Variants in KLHDC2 observed in about 807,000 individuals in gnomAD.
KLHDC2 encodes kelch domain-containing protein 2.
Under a neutral mutation model 62.3 loss-of-function variants are expected in KLHDC2, and 38 were observed. The observed-to-expected ratio is 0.61, with a 90% CI of 0.47 to 0.80. The LOEUF is 0.80. KLHDC2 is among the 30% of genes least tolerant of loss of function. KLHDC2 has a pLI of 0.00. For missense variants in KLHDC2, 430 were observed against 495.3 expected, an observed-to-expected ratio of 0.87 and a Z score of 1.25; for synonymous variants, 159 against 161.0, an observed-to-expected ratio of 0.99 and a Z score of 0.09.
At chr14:49,771,701 A>T (rs894259677) in intron 2 of KLHDC2, 28 bp downstream of exon 2, 14 of 1,183,830 alleles carry the variant, frequency 1.2e-5, no homozygotes, top group African/African-American at 1.5e-5. Context: ...AAGGGGGACT[A>T]AAAAATTCAG....
At chr14:49,770,551 C>T (rs1219594566) in intron 1 of KLHDC2, among the ~76,000 whole-genome samples, 1 of 152,152 alleles carries the variant, frequency 6.6e-6, no homozygotes, top group African/African-American at 2.4e-5. Context: ...CAGAAAGTGG[C>T]TAGGGAGGGT....
chr14:49,771,023 T>C (rs1889652508), intron 1 of KLHDC2, among the ~76,000 whole-genome samples: 1 of 152,112 alleles, frequency 6.6e-6, no homozygotes, highest in Non-Finnish European at 1.5e-5. Context: ...TGCATGGTTC[T>C]GTTCAGGATA....
Position 49,771,577 on chromosome 14 carries a change from A to G in KLHDC2, c.154-17A>G, listed in dbSNP as rs114533205. On this transcript the variant is annotated splice_polypyrimidine_tract_variant and intron_variant, in intron 1 of 12. Coordinates refer to ENST00000298307, the MANE Select transcript of KLHDC2 (RefSeq NM_014315.3). ...TAAAATACCAGTTTTTATATTTACA[A>G]TTTTTTTTATTCTTAGAGTAATCAA... The G allele has an allele frequency of 3.6e-3, 4,119 of 1,147,574 alleles. 101 individuals carry two copies. In the African/African-American group the frequency reaches 0.056, roughly 15 times the overall value. The allele number at this position is 1,147,574 out of a possible 1,614,324, so 71.1% of individuals were successfully genotyped here.
At chr14:49,773,970 T>C (rs958337250) in intron 2 of KLHDC2, among the ~76,000 whole-genome samples, 1 of 152,198 alleles carries the variant, frequency 6.6e-6, no homozygotes, top group Admixed American at 6.5e-5. Flanking sequence ...CAGAAGACCT[T>C]GAGTATACTA....
intron 1 of KLHDC2, 130 bp from the exon 2 acceptor site, chr14:49,771,464 G>A (rs921373059): frequency 7.4e-6 from 4 of 544,092 alleles, no homozygotes; most frequent in Admixed American, 3.3e-5. Flanking sequence ...ATGGGTGGGG[G>A]AGGATTGTGC....
intron 9 of KLHDC2, 117 bp downstream of exon 9, chr14:49,780,439 A>G: frequency 2.7e-6 from 2 of 744,428 alleles, no homozygotes; most frequent in Non-Finnish European, 4.6e-6. Flanking sequence ...GAAGGTTTGA[A>G]ATTAATTTTG....
chr14:49,778,914 C>T (rs930009888), intron 6 of KLHDC2, among the ~76,000 whole-genome samples: 21 of 152,018 alleles, frequency 1.4e-4, no homozygotes, highest in East Asian at 7.7e-4. Flanking sequence ...TTAGTAGAGA[C>T]GGGTTTCATC....
In KLHDC2 at chr14:49,784,832, A is replaced by G; in HGVS notation, c.*1879A>G. The G allele has an allele frequency of 7.1e-7, 1 of 1,403,422 alleles. No homozygotes were observed. The highest frequency in any genetic ancestry group is 1.0e-6 in the Non-Finnish European group (1 of 999,682). 86.9% of individuals were successfully genotyped at this position (1,403,422 alleles called of 1,614,324 possible). A position where few individuals can be genotyped will look rare whatever the true frequency, so the allele number is the denominator to read the frequency against. The stretch of plus-strand genomic sequence containing the variant: ...CTGAGATGGTTTTACTGCTTCTAAT[A>G]AGACAGCATTTTCTACTAAAATAAC... On this transcript the variant is annotated 3_prime_UTR_variant, in exon 13 of 13. Coordinates refer to ENST00000298307, the MANE Select transcript of KLHDC2 (RefSeq NM_014315.3).
At chr14:49,780,631 C>A in intron 9 of KLHDC2, 72 bp from the exon 10 acceptor site, 2 of 1,033,606 alleles carry the variant, frequency 1.9e-6, no homozygotes, top group Non-Finnish European at 3.1e-6. Context: ...ACCTTTCTTG[C>A]CAAAGCTGTG....
intron 1 of KLHDC2, 26 bp from the exon 2 acceptor site, chr14:49,771,566 TTA>T: frequency 2.0e-6 from 2 of 1,006,816 alleles, no homozygotes; most frequent in Non-Finnish European, 3.1e-6. Flanking sequence ...ATACCAGTTT[TTA>T]TATTTACAAT....
Position 49,768,178 on chromosome 14 carries a change from C to T in KLHDC2, c.-291C>T, listed in dbSNP as rs1169701974. 4 of 248,274 alleles carry T rather than the reference C, an allele frequency of 1.6e-5. No homozygotes were observed. Among genetic ancestry groups the T allele is most frequent in the East Asian group, 7.8e-5 (1 of 12,852 alleles). 15.4% of individuals were successfully genotyped at this position (248,274 alleles called of 1,614,324 possible). A position where few individuals can be genotyped will look rare whatever the true frequency, so the allele number is the denominator to read the frequency against. ...AGACGGGCTGCAATAGGGAGCCGGCCCGACGCGGACCGCTTCCCTGCAGTG... is the reference window on the plus strand; with the variant it reads ...AGACGGGCTGCAATAGGGAGCCGGCTCGACGCGGACCGCTTCCCTGCAGTG... On this transcript the variant is annotated 5_prime_UTR_variant, in exon 1 of 13. Transcript: ENST00000298307.
chr14:49,786,340 C>T lies in KLHDC2; in HGVS notation c.*3387C>T. ...ATTTGCTGTGCTGCCTGTGAGATTG[C>T]CCCCATTTATTTTACAATATGAATA... On this transcript the variant is annotated 3_prime_UTR_variant, in exon 13 of 13. Coordinates refer to ENST00000298307, the MANE Select transcript of KLHDC2 (RefSeq NM_014315.3). 5.6e-6 allele frequency: 1 copy of T among 179,504 alleles called. No individual in the cohort carries two copies. 11.1% of individuals were successfully genotyped at this position (179,504 alleles called of 1,614,324 possible).
chr14:49,783,086 C>T lies in KLHDC2; in HGVS notation c.*133C>T, dbSNP rs1377474676. ...TTGGTTTTAATGTGCATGTGAATGGCCTAGAGAACCTATTTTTGTGTCTAA... is the reference window on the plus strand; with the variant it reads ...TTGGTTTTAATGTGCATGTGAATGGTCTAGAGAACCTATTTTTGTGTCTAA... On this transcript the variant is annotated 3_prime_UTR_variant, in exon 13 of 13. Coordinates refer to ENST00000298307, the MANE Select transcript of KLHDC2 (RefSeq NM_014315.3). 14 of 753,746 alleles carry T rather than the reference C, an allele frequency of 1.9e-5. No individual in the cohort carries two copies. The highest frequency in any genetic ancestry group is 2.8e-5 in the Non-Finnish European group (14 of 496,966). 46.7% of individuals were successfully genotyped at this position (753,746 alleles called of 1,614,324 possible). A position where few individuals can be genotyped will look rare whatever the true frequency, so the allele number is the denominator to read the frequency against.
chr14:49,779,083 T>C lies in KLHDC2; in HGVS notation c.634-512T>C, dbSNP rs571752132. On this transcript the variant is annotated intron_variant, in intron 6 of 12. Transcript: ENST00000298307. ...ATTTTGGAATATTTGCATTATATAC[T>C]TAACAGTCAACTATCTCTAATCCAA... Among the ~76,000 whole-genome samples, 4 of 152,332 alleles carry C rather than the reference T, an allele frequency of 2.6e-5. No homozygotes were observed. The East Asian group carries it at 7.7e-4, about 29-fold the overall frequency.
At chr14:49,775,414 G>A (rs929871112) in intron 3 of KLHDC2, among the ~76,000 whole-genome samples, 1 of 152,160 alleles carries the variant, frequency 6.6e-6, no homozygotes, top group Admixed American at 6.5e-5. Context: ...GTAAACCACT[G>A]CAGTAGCACC....
intron 1 of KLHDC2, among the ~76,000 whole-genome samples, chr14:49,769,503 G>A (rs919339327): frequency 6.6e-6 from 1 of 152,180 alleles, no homozygotes; most frequent in African/African-American, 2.4e-5. Flanking sequence ...CAGCTGACTT[G>A]ATCATAGTTG....
At position 49,784,844 on chromosome 14, in the gene KLHDC2, T is replaced by C; in HGVS notation, c.*1891T>C. 1 of 1,425,104 alleles carries C rather than the reference T, an allele frequency of 7.0e-7. No homozygotes were observed. The highest frequency in any genetic ancestry group is 9.8e-7 in the Non-Finnish European group (1 of 1,019,444). The allele number at this position is 1,425,104 out of a possible 1,614,324, so 88.3% of individuals were successfully genotyped here. A position where few individuals can be genotyped will look rare whatever the true frequency, so the allele number is the denominator to read the frequency against. ...TACTGCTTCTAATAAGACAGCATTT[T>C]CTACTAAAATAACAAAAAACTGCTA... On this transcript the variant is annotated 3_prime_UTR_variant, in exon 13 of 13. Coordinates refer to ENST00000298307, the MANE Select transcript of KLHDC2 (RefSeq NM_014315.3).
At position 49,768,633 on chromosome 14, in the gene KLHDC2, G is replaced by T. The variant is rs774380419; in HGVS notation, c.153+12G>T. 6.4e-7 allele frequency: 1 copy of T among 1,572,124 alleles called. No homozygotes were observed. Among genetic ancestry groups the T allele is most frequent in the Non-Finnish European group, 8.6e-7 (1 of 1,161,152 alleles). On this transcript the variant is annotated intron_variant, in intron 1 of 12. Transcript: ENST00000298307. ...GGGGCGGCTACAAGGTCAGTGAGTG[G>T]CCGGGCCGCGACGGACGTCGCTCGG...
At chr14:49,771,169 T>G (rs931863061) in intron 1 of KLHDC2, among the ~76,000 whole-genome samples, 1 of 151,644 alleles carries the variant, frequency 6.6e-6, no homozygotes, top group Non-Finnish European at 1.5e-5. Flanking sequence ...GCCAACATGG[T>G]GAAACCCTGT....
Sources: gnomAD v4.1 joint callset for allele counts (sites outside exome capture counted in the v4.1 genomes callset) on GRCh38, gnomAD v4.1.1 for gene constraint, MANE v1.5 for transcripts, NCBI Gene and HGNC (gene_info 2026-07-23, HGNC 2026-07-21) for gene names.